Variants in PTPRN2 observed in about 807,000 individuals in gnomAD.
PTPRN2 encodes receptor-type tyrosine-protein phosphatase N2.
PTPRN2 carries 74 observed loss-of-function variants against 118.8 expected under a neutral mutation model. The ratio of observed to expected loss-of-function variants is 0.62; its 90% confidence interval spans 0.52 to 0.76. The LOEUF (loss-of-function observed/expected upper bound fraction) is 0.76, where lower values mean the gene tolerates loss of function less well. PTPRN2 is among the 30% of genes least tolerant of loss of function. The pLI, the probability that PTPRN2 is intolerant of heterozygous loss-of-function variation, is 0.00. For synonymous variants in PTPRN2, 641 were observed against 608.0 expected (o/e 1.05, Z -0.80); for missense variants, 1,481 against 1,394.4 (o/e 1.06, Z -0.99).
chr7:157,940,200 T>C (rs1026314810), intron 11 of PTPRN2, among the ~76,000 whole-genome samples: 1 of 152,170 alleles, frequency 6.6e-6, no homozygotes. Context: ...GATGGTGGTG[T>C]TCAGAACTTG....
intron 6 of PTPRN2, among the ~76,000 whole-genome samples, chr7:158,141,578 A>G (rs531179911): frequency 2.6e-5 from 4 of 152,250 alleles, no homozygotes; most frequent in East Asian, 3.9e-4. Context: ...CCATTAATTG[A>G]AGCTGGTTCT....
At chr7:157,703,928 C>T (rs1035531752) in intron 12 of PTPRN2, among the ~76,000 whole-genome samples, 1 of 152,152 alleles carries the variant, frequency 6.6e-6, no homozygotes, top group Non-Finnish European at 1.5e-5. Context: ...ATTTTGAATG[C>T]GTGATCACCG....
At chr7:158,156,765 G>T (rs562035760) in intron 6 of PTPRN2, among the ~76,000 whole-genome samples, 43 of 152,366 alleles carry the variant, frequency 2.8e-4, no homozygotes, top group Middle Eastern at 3.4e-3. Context: ...CCCTCAGAGC[G>T]GAAGCATCAC....
At chr7:158,122,893 G>A (rs987185970) in intron 9 of PTPRN2, among the ~76,000 whole-genome samples, 3 of 152,020 alleles carry the variant, frequency 2.0e-5, no homozygotes, top group Admixed American at 1.3e-4. Context: ...ACTTCTCCAC[G>A]TCTCATTTTG....
rs989104468 is a variant in PTPRN2, at chr7:157,779,288, G to T, written c.1789-96351C>A. Among the ~76,000 whole-genome samples the T allele has an allele frequency of 7.9e-5, 12 of 152,236 alleles. No homozygotes were observed. Among genetic ancestry groups the T allele is most frequent in the Non-Finnish European group, 1.5e-4 (10 of 68,044 alleles). On this transcript the variant is annotated intron_variant, in intron 12 of 22. Transcript: ENST00000389418. The surrounding 1 kb of genome is among the most constrained non-coding windows in gnomAD (Gnocchi z 4.7). ...GCAAGGTCAGCAAGGCATGTGCTCG[G>T]TGGAGGAGGCCTAACTGTTGCTACT...
chr7:158,290,654 C>T (rs1319768972), intron 3 of PTPRN2, among the ~76,000 whole-genome samples: 1 of 152,158 alleles, frequency 6.6e-6, no homozygotes, highest in African/African-American at 2.4e-5. Flanking sequence ...CTTCTCTTTC[C>T]TTCCCCCACA....
At chr7:157,691,783 C>T (rs1285542183) in intron 12 of PTPRN2, among the ~76,000 whole-genome samples, 1 of 152,182 alleles carries the variant, frequency 6.6e-6, no homozygotes, top group Non-Finnish European at 1.5e-5. Context: ...CCACATAACC[C>T]CCGGCCCCTG....
intron 13 of PTPRN2, among the ~76,000 whole-genome samples, chr7:157,680,412 G>A (rs1269360161): frequency 6.6e-6 from 1 of 152,206 alleles, no homozygotes; most frequent in Non-Finnish European, 1.5e-5. Context: ...CTTCACAGGG[G>A]ACTCATGGCT....
chr7:158,134,137 G>C, intron 8 of PTPRN2, 78 bp from the exon 9 acceptor site: 1 of 1,492,276 alleles, frequency 6.7e-7, no homozygotes, highest in South Asian at 1.3e-5. Flanking sequence ...GGCTGCCCGG[G>C]ACAGAGTCAC....
intron 12 of PTPRN2, among the ~76,000 whole-genome samples, chr7:157,741,756 T>C (rs1800645862): frequency 6.6e-6 from 1 of 152,184 alleles, no homozygotes; most frequent in Non-Finnish European, 1.5e-5. Context: ...AGAAGGATGT[T>C]GTGGACACTG....
In PTPRN2 at chr7:158,459,286, GC is replaced by G. The variant is rs1200305937; in HGVS notation, c.163+30448del. ...GGATGAATGGGCTCCAGAATCCAGA[GC>G]CCCCACTGCCTGGGATGAATGGGCT... is the stretch of plus-strand genomic sequence containing the variant. On this transcript the variant is annotated intron_variant, in intron 2 of 22. Coordinates refer to ENST00000389418, the MANE Select transcript of PTPRN2 (RefSeq NM_002847.5). 2.0e-5 allele frequency among the ~76,000 whole-genome samples: 3 copies of G among 152,244 alleles called. No individual in the cohort carries two copies. The East Asian group carries it at 5.8e-4, about 29-fold the overall frequency.
At chr7:158,177,991 AG>A in intron 5 of PTPRN2, among the ~76,000 whole-genome samples, 1 of 152,334 alleles carries the variant, frequency 6.6e-6, no homozygotes, top group South Asian at 2.1e-4. Flanking sequence ...GGCATATGAG[AG>A]GTCCAGCTCC....
At chr7:158,053,653 G>A (rs1288035231) in intron 11 of PTPRN2, among the ~76,000 whole-genome samples, 1 of 152,188 alleles carries the variant, frequency 6.6e-6, no homozygotes, top group East Asian at 1.9e-4. Flanking sequence ...TTTGCCCGAA[G>A]CTGCTTGTAA....
intron 11 of PTPRN2, chr7:158,028,279 A>G (rs944835917): frequency 2.0e-5 from 3 of 152,352 alleles, no homozygotes; most frequent in African/African-American, 7.2e-5. Flanking sequence ...GCGGCCAGCC[A>G]GAATGTAAAC....
intron 11 of PTPRN2, among the ~76,000 whole-genome samples, chr7:157,962,815 T>C (rs1039509313): frequency 6.6e-6 from 1 of 152,146 alleles, no homozygotes; most frequent in African/African-American, 2.4e-5. Context: ...ATGAGGACCA[T>C]ATATGGCATG....
chr7:157,661,622 G>C (rs981343268), intron 13 of PTPRN2, among the ~76,000 whole-genome samples: 2 of 143,894 alleles, frequency 1.4e-5, no homozygotes, highest in Admixed American at 1.4e-4. Context: ...CCGGGTCCTG[G>C]GTGGAGGAGG....
chr7:158,527,475 T>G (rs1824875883), intron 1 of PTPRN2, among the ~76,000 whole-genome samples: 1 of 152,234 alleles, frequency 6.6e-6, no homozygotes, highest in South Asian at 2.1e-4. Context: ...TTCAGTGCCA[T>G]GGAGGCCTCA....
intron 2 of PTPRN2, among the ~76,000 whole-genome samples, chr7:158,388,268 C>A (rs1460068141): frequency 6.6e-6 from 1 of 152,124 alleles, no homozygotes; most frequent in East Asian, 1.9e-4. Flanking sequence ...TCACGTCAAT[C>A]CCGGCACCAA....
intron 12 of PTPRN2, among the ~76,000 whole-genome samples, chr7:157,839,868 CGTGTGGAGT>C (rs202015714): frequency 7.2e-6 from 1 of 138,894 alleles, no homozygotes; most frequent in East Asian, 2.2e-4. Flanking sequence ...ACTGTGTGAC[CGTGTGGAGT>C]GTGTGTGACT....
Sources: allele counts gnomAD v4.1 joint callset (sites outside exome capture counted in the v4.1 genomes callset), GRCh38; gene constraint gnomAD v4.1.1; non-coding constraint Gnocchi (gnomAD v3.1); transcripts MANE v1.5; gene names NCBI Gene and HGNC (gene_info 2026-07-23, HGNC 2026-07-21).